The following PNPLA6 variants were observed in gnomAD, a reference collection of about 807,000 sequenced individuals.
The protein encoded by PNPLA6 is patatin like domain 6, lysophospholipase, also known as patatin-like phospholipase domain-containing protein 6.
A neutral mutation model predicts 153.7 loss-of-function variants in PNPLA6; 105 were observed. The observed-to-expected ratio is 0.68, with a 90% CI of 0.58 to 0.80. The LOEUF (loss-of-function observed/expected upper bound fraction) is 0.80. Ranked by LOEUF, PNPLA6 falls within the 30% of genes least tolerant of loss-of-function variation. The probability of loss-of-function intolerance (pLI) is 0.00; values close to 1 mark genes in which losing one functional copy is unlikely to be tolerated. For missense variants in PNPLA6, 1,423 were observed against 1,919.3 expected (o/e 0.74, Z 4.83); for synonymous variants, 825 against 822.2 (o/e 1.00, Z -0.06).
Position 7,540,026 on chromosome 19 carries a change from C to T in PNPLA6, c.522C>T (p.Pro174=). 1.9e-6 allele frequency: 3 copies of T among 1,611,042 alleles called. No individual in the cohort carries two copies. The highest frequency in any genetic ancestry group is 2.5e-6 in the Non-Finnish European group (3 of 1,178,716). The change falls in exon 4 of 32, where the codon CCC becomes CCT. Residue 174 remains proline, a synonymous_variant. Coordinates refer to ENST00000600737, the MANE Select transcript of PNPLA6 (RefSeq NM_001166114.2). The surrounding 1 kb of genome is among the most constrained non-coding windows in gnomAD (Gnocchi z 6.8). ...TEGDLANSHL[P]SEVLYMLKNV... is the part of the protein sequence containing the mutation. Reference sequence around the variant, plus strand: ...GCGACCTGGCTAACTCCCATCTGCCCTCTGAAGTGCTTTATATGCTCAAGA... The same window carrying T: ...GCGACCTGGCTAACTCCCATCTGCCTTCTGAAGTGCTTTATATGCTCAAGA...
intron 13 of PNPLA6, among the ~76,000 whole-genome samples, chr19:7,544,418 G>A (rs2146068055): frequency 6.6e-6 from 1 of 152,322 alleles, no homozygotes; most frequent in South Asian, 2.1e-4. Flanking sequence ...AGCCTACTGA[G>A]ACATTTTTGA....
chr19:7,539,757 CAAA>C (rs762061101), intron 3 of PNPLA6, among the ~76,000 whole-genome samples, 158 bp from the exon 4 acceptor site: 2 of 50,888 alleles, frequency 3.9e-5, no homozygotes, highest in Admixed American at 1.9e-4. Flanking sequence ...AACTTCGTCT[CAAA>C]AAAAAAAAAA....
At chr19:7,557,092 C>A in intron 26 of PNPLA6, 76 bp from the exon 27 acceptor site, 1 of 1,108,754 alleles carries the variant, frequency 9.0e-7, no homozygotes, top group South Asian at 1.2e-5. Flanking sequence ...GGTCAGCGAG[C>A]CCATCGGGCC....
chr19:7,535,448 G>C (rs901794169), upstream of PNPLA6: 20 of 1,203,522 alleles, frequency 1.7e-5, no homozygotes, highest in Non-Finnish European at 2.4e-5. The surrounding 1 kb of genome is among the most constrained non-coding windows in gnomAD (Gnocchi z 5.0). Flanking sequence ...GCTTGAGGCA[G>C]GGGAGAGGTG....
At chr19:7,552,591 C>T (rs910212085) in intron 18 of PNPLA6, among the ~76,000 whole-genome samples, 1 of 151,824 alleles carries the variant, frequency 6.6e-6, no homozygotes, top group Non-Finnish European at 1.5e-5. Flanking sequence ...CTCATCTCTA[C>T]TAAAAGTACA....
At chr19:7,539,853 G>T in intron 3 of PNPLA6, 65 bp from the exon 4 acceptor site, 1 of 1,119,848 alleles carries the variant, frequency 8.9e-7, no homozygotes. Context: ...GTATGCGGGG[G>T]TCTTAGGTTT....
intron 3 of PNPLA6, among the ~76,000 whole-genome samples, chr19:7,539,528 C>A (rs1041245033): frequency 2.6e-5 from 4 of 151,008 alleles, no homozygotes; most frequent in Non-Finnish European, 1.5e-5. Flanking sequence ...GAGGCCGAGT[C>A]GGGCGGATCA....
rs754051604 is a variant in PNPLA6, at chr19:7,555,770, G to T, written c.3093+7G>T. On this transcript the variant is annotated splice_region_variant and intron_variant, in intron 24 of 31. Coordinates refer to ENST00000600737, the MANE Select transcript of PNPLA6 (RefSeq NM_001166114.2). The surrounding 1 kb of genome is among the most constrained non-coding windows in gnomAD (Gnocchi z 6.3). ...GGCCCGGGAGTGGGCCAAGGTGTGT[G>T]TTGCGAGGAGGGATTGCTGCACCCC... The T allele has an allele frequency of 6.2e-7, 1 of 1,612,782 alleles. No homozygotes were observed. Among genetic ancestry groups the T allele is most frequent in the Non-Finnish European group, 8.5e-7 (1 of 1,179,826 alleles).
At chr19:7,547,823 T>A (rs368685874) in intron 13 of PNPLA6, among the ~76,000 whole-genome samples, 8 of 99,506 alleles carry the variant, frequency 8.0e-5, no homozygotes, top group African/African-American at 2.9e-4. Flanking sequence ...TTTTTTTTTT[T>A]TTTTTTTTTT....
Position 7,555,230 on chromosome 19 carries a change from A to G in PNPLA6, c.2818-19A>G, listed in dbSNP as rs563826. The G allele has an allele frequency of 0.32, 507,780 of 1,579,038 alleles. 83,270 individuals are homozygous for G. Among genetic ancestry groups the G allele is most frequent in the Middle Eastern group, 0.46 (2,737 of 6,010 alleles). On this transcript the variant is annotated intron_variant, in intron 22 of 31. Coordinates refer to ENST00000600737, the MANE Select transcript of PNPLA6 (RefSeq NM_001166114.2). The surrounding 1 kb of genome is among the most constrained non-coding windows in gnomAD (Gnocchi z 6.3). ...CCCGCCCTCATGCTCCTGGGTCGCG[A>G]CTATCTCCCCCATCCCAGCATGAGC...
intron 28 of PNPLA6, among the ~76,000 whole-genome samples, chr19:7,560,426 T>C (rs2146120671): frequency 6.6e-6 from 1 of 152,256 alleles, no homozygotes; most frequent in South Asian, 2.1e-4. Flanking sequence ...CATGGGGCTG[T>C]GTGGGAAAGA....
At chr19:7,557,134 G>A in intron 26 of PNPLA6, 34 bp from the exon 27 acceptor site, 1 of 1,478,330 alleles carries the variant, frequency 6.8e-7, no homozygotes, top group Admixed American at 1.7e-5. Flanking sequence ...GAGCGTGTCT[G>A]TGCGTGTTTG....
chr19:7,552,390 T>C (rs1392259914), intron 18 of PNPLA6, among the ~76,000 whole-genome samples: 1 of 152,204 alleles, frequency 6.6e-6, no homozygotes, highest in Non-Finnish European at 1.5e-5. Flanking sequence ...CCAGGGGTTC[T>C]ACCCAATTGG....
Position 7,540,402 on chromosome 19 carries a change from C to A in PNPLA6, c.714+94C>A. On this transcript the variant is annotated intron_variant, in intron 5 of 31. Transcript: ENST00000600737. The surrounding 1 kb of genome is among the most constrained non-coding windows in gnomAD (Gnocchi z 6.8). Reference sequence around the variant, plus strand: ...GTAGAGCTGGTGGTCTTTGGAGATGCGTCATCGGGAGTCAGGGGAACGGGT... The same window carrying A: ...GTAGAGCTGGTGGTCTTTGGAGATGAGTCATCGGGAGTCAGGGGAACGGGT... The A allele has an allele frequency of 1.4e-6, 2 of 1,380,164 alleles. No homozygotes were observed. Among genetic ancestry groups the A allele is most frequent in the Non-Finnish European group, 9.9e-7 (1 of 1,011,610 alleles). The allele number at this position is 1,380,164 out of a possible 1,614,324, so 85.5% of individuals were successfully genotyped here.
intron 27 of PNPLA6, among the ~76,000 whole-genome samples, chr19:7,557,687 G>A (rs1168851558): frequency 6.6e-6 from 1 of 151,258 alleles, no homozygotes; most frequent in Non-Finnish European, 1.5e-5. Context: ...AGGAGGCTGA[G>A]GCAGATAAAT....
chr19:7,543,601 C>T (rs2146064151), intron 13 of PNPLA6, among the ~76,000 whole-genome samples: 1 of 152,224 alleles, frequency 6.6e-6, no homozygotes, highest in East Asian at 1.9e-4. Context: ...AACTGAGGCC[C>T]ATCAAGGGTT....
Position 7,540,418 on chromosome 19 carries a change from G to A in PNPLA6, c.714+110G>A, listed in dbSNP as rs2023078174. On this transcript the variant is annotated intron_variant, in intron 5 of 31. Coordinates refer to ENST00000600737, the MANE Select transcript of PNPLA6 (RefSeq NM_001166114.2). The surrounding 1 kb of genome is among the most constrained non-coding windows in gnomAD (Gnocchi z 6.8). Reference sequence around the variant, plus strand: ...TTGGAGATGCGTCATCGGGAGTCAGGGGAACGGGTGACCGAGGACATTTGG... The same window carrying A: ...TTGGAGATGCGTCATCGGGAGTCAGAGGAACGGGTGACCGAGGACATTTGG... 2.4e-6 allele frequency: 3 copies of A among 1,276,582 alleles called. No individual in the cohort carries two copies. The highest frequency in any genetic ancestry group is 2.2e-6 in the Non-Finnish European group (2 of 920,208). 79.1% of individuals were successfully genotyped at this position (1,276,582 alleles called of 1,614,324 possible). A position where few individuals can be genotyped will look rare whatever the true frequency, so the allele number is the denominator to read the frequency against.
chr19:7,541,524 G>T lies in PNPLA6; in HGVS notation c.1008G>T (p.Glu336Asp). ...CACAAGCTGTTCTCTGCCCCCAGGAGATCCAGCCCCTGCGTCTGTTCCCCA... is the reference window on the plus strand; with the variant it reads ...CACAAGCTGTTCTCTGCCCCCAGGATATCCAGCCCCTGCGTCTGTTCCCCA... The part of the protein sequence containing the change: ...LGLTNELFSH[E>D]IQPLRLFPSP... The change falls in exon 9 of 32, where the codon GAG (glutamate) becomes GAT (aspartate). Residue 336 changes from glutamate to aspartate, a missense_variant and splice_region_variant. Glu to Asp is a conservative substitution (Grantham distance 45). Coordinates refer to ENST00000600737, the MANE Select transcript of PNPLA6 (RefSeq NM_001166114.2). This position sits in a 1 kb window ranked among gnomAD's most constrained non-coding sequence, Gnocchi z 5.2. The T allele has an allele frequency of 6.2e-7, 1 of 1,609,464 alleles. No individual in the cohort carries two copies. The highest frequency in any genetic ancestry group is 8.5e-7 in the Non-Finnish European group (1 of 1,178,130).
chr19:7,546,503 G>A (rs528066056), intron 13 of PNPLA6, among the ~76,000 whole-genome samples: 8 of 152,154 alleles, frequency 5.3e-5, no homozygotes, highest in South Asian at 4.1e-4. Context: ...GCATGGTGGC[G>A]CATGCCTGTA....
Sources: gnomAD v4.1 joint callset for allele counts (sites outside exome capture counted in the v4.1 genomes callset) on GRCh38, gnomAD v4.1.1 for gene constraint, Gnocchi (gnomAD v3.1) non-coding constraint, MANE v1.5 for transcripts, NCBI Gene and HGNC (gene_info 2026-07-23, HGNC 2026-07-21) for gene names.